The following SLC39A11 variants were observed in gnomAD, a reference collection of about 807,000 sequenced individuals.
SLC39A11 encodes the protein zinc transporter ZIP11.
A neutral mutation model predicts 36.1 loss-of-function variants in SLC39A11; 33 were observed. The ratio of observed to expected loss-of-function variants is 0.91; its 90% CI spans 0.69 to 1.22. SLC39A11 has a LOEUF of 1.22. Ranked by LOEUF, SLC39A11 falls within the 50% of genes most tolerant of loss-of-function variation. The probability of loss-of-function intolerance (pLI) is 0.00; values close to 1 mark genes in which losing one functional copy is unlikely to be tolerated. For synonymous variants in SLC39A11, 166 were observed against 170.3 expected (o/e 0.97, Z 0.20); for missense variants, 432 against 430.3 (o/e 1.00, Z -0.03).
At chr17:73,038,768 TGGAGGAGGGAGGGAGGAGGGAGGAGGGAG>T (rs2059010651) in intron 3 of SLC39A11, among the ~76,000 whole-genome samples, 1 of 33,142 alleles carries the variant, frequency 3.0e-5, no homozygotes, top group Non-Finnish European at 5.9e-5. Flanking sequence ...GGAGGAGGGA[TGGAGGAGGGAGGGAGGAGGGAGGAGGGAG>T]GGAGGGGAGG....
At chr17:72,971,364 A>G (rs2087439375) in intron 4 of SLC39A11, among the ~76,000 whole-genome samples, 1 of 151,030 alleles carries the variant, frequency 6.6e-6, no homozygotes, top group Admixed American at 6.6e-5. Context: ...TCTCTGAAAA[A>G]CCAGTTTACT....
rs559561205 is a variant in SLC39A11 at position 72,891,032 on chromosome 17, C to T, written c.431-41228G>A. 4.1e-5 allele frequency among the ~76,000 whole-genome samples: 6 copies of T among 147,956 alleles called. No individual in the cohort carries two copies. The South Asian group carries it at 1.1e-3, about 26-fold the overall frequency. ...AGTGAAGAAATGCAAATAGCTCTCA[C>T]GTACCTGTATTTTCCAAAGCTTTGT... On this transcript the variant is annotated intron_variant, in intron 5 of 9. Transcript: ENST00000255559.
intron 6 of SLC39A11, among the ~76,000 whole-genome samples, chr17:72,739,075 G>A (rs1248749729): frequency 1.3e-5 from 2 of 151,946 alleles, no homozygotes; most frequent in South Asian, 2.1e-4. Flanking sequence ...GATCTCCTGC[G>A]GGGTCCTGAT....
intron 6 of SLC39A11, among the ~76,000 whole-genome samples, chr17:72,780,518 G>T: frequency 8.7e-6 from 1 of 115,286 alleles, no homozygotes; most frequent in East Asian, 2.2e-4. Flanking sequence ...GGGCCCTGAA[G>T]ATGGGGGGCG....
At chr17:72,903,152 GCTACTT>G (rs2082480703) in intron 5 of SLC39A11, among the ~76,000 whole-genome samples, 1 of 151,666 alleles carries the variant, frequency 6.6e-6, no homozygotes, top group South Asian at 2.1e-4. Context: ...TGTAATCCCA[GCTACTT>G]GAGGAACTGA....
intron 6 of SLC39A11, among the ~76,000 whole-genome samples, chr17:72,803,348 G>A (rs1005862726): frequency 1.1e-4 from 16 of 152,318 alleles, no homozygotes; most frequent in East Asian, 3.9e-4. Flanking sequence ...AGACTCTGCC[G>A]GCTGTGTCCC....
intron 4 of SLC39A11, among the ~76,000 whole-genome samples, chr17:72,980,043 C>T (rs780689484): frequency 6.6e-5 from 10 of 152,172 alleles, no homozygotes; most frequent in South Asian, 2.1e-4. Context: ...CCACCCTGCT[C>T]TGTTAAGACC....
chr17:72,931,466 TC>T (rs1171274883), intron 5 of SLC39A11, among the ~76,000 whole-genome samples: 2 of 152,080 alleles, frequency 1.3e-5, no homozygotes, highest in Admixed American at 1.3e-4. Context: ...ATGCCCAAGC[TC>T]CCACTCCCCA....
At chr17:72,750,131 C>T (rs1204804198) in intron 6 of SLC39A11, among the ~76,000 whole-genome samples, 1 of 152,142 alleles carries the variant, frequency 6.6e-6, no homozygotes, top group Non-Finnish European at 1.5e-5. Context: ...CCATTCTGTG[C>T]CCCTTGGGAG....
chr17:72,908,730 G>A (rs1465083567), intron 5 of SLC39A11, among the ~76,000 whole-genome samples: 1 of 152,224 alleles, frequency 6.6e-6, no homozygotes, highest in Non-Finnish European at 1.5e-5. Flanking sequence ...CCCCAGCATG[G>A]TGTCATTATA....
At chr17:72,810,901 G>T (rs374587838) in intron 6 of SLC39A11, among the ~76,000 whole-genome samples, 1 of 152,028 alleles carries the variant, frequency 6.6e-6, no homozygotes, top group Non-Finnish European at 1.5e-5. Flanking sequence ...GGCTGGGCTG[G>T]TCTCAAACCA....
chr17:73,044,554 G>C lies in SLC39A11; in HGVS notation c.148-12840C>G, dbSNP rs2059209557. On this transcript the variant is annotated intron_variant, in intron 3 of 9. Coordinates refer to ENST00000255559, the MANE Select transcript of SLC39A11 (RefSeq NM_139177.4). Reference sequence around the variant, plus strand: ...GGGAGGGAGCCTGACTTAGGGACTAGGAGCTCTTTCAGGGATGTTAGAAAT... The same window carrying C: ...GGGAGGGAGCCTGACTTAGGGACTACGAGCTCTTTCAGGGATGTTAGAAAT... 3.3e-5 allele frequency among the ~76,000 whole-genome samples: 5 copies of C among 152,148 alleles called. No individual in the cohort carries two copies. In the South Asian group the frequency reaches 1.0e-3, roughly 32 times the overall value.
intron 6 of SLC39A11, among the ~76,000 whole-genome samples, chr17:72,838,660 G>A (rs569711223): frequency 3.5e-4 from 53 of 152,196 alleles, no homozygotes; most frequent in Non-Finnish European, 7.2e-4. Context: ...ACCAGTGAGC[G>A]TGGGGATGAG....
chr17:72,860,837 C>T (rs534683773), intron 5 of SLC39A11, among the ~76,000 whole-genome samples: 6 of 152,252 alleles, frequency 3.9e-5, no homozygotes, highest in East Asian at 1.9e-4. Flanking sequence ...TGCATCAGGG[C>T]GACCATTTCC....
At chr17:73,086,910 G>C (rs1482214291) in intron 2 of SLC39A11, among the ~76,000 whole-genome samples, 1 of 152,018 alleles carries the variant, frequency 6.6e-6, no homozygotes, top group African/African-American at 2.4e-5. Flanking sequence ...AAAAAAATTA[G>C]CTGAGCGTGG....
At chr17:72,720,401 G>T (rs935775767) in intron 7 of SLC39A11, among the ~76,000 whole-genome samples, 3 of 152,060 alleles carry the variant, frequency 2.0e-5, no homozygotes, top group Non-Finnish European at 2.9e-5. Flanking sequence ...CTGGACCTGG[G>T]CTCCGAGTAG....
Position 72,655,944 on chromosome 17 carries a change from G to A in SLC39A11, c.672-6676C>T, listed in dbSNP as rs192392020. On this transcript the variant is annotated intron_variant, in intron 7 of 9. Coordinates refer to ENST00000255559, the MANE Select transcript of SLC39A11 (RefSeq NM_139177.4). ...GAAGAAGAACAAGGGCAGCCTCCCG[G>A]GGGGCTGGTGGCGTGGAGGATGCCC... 2.7e-3 allele frequency among the ~76,000 whole-genome samples: 407 copies of A among 152,256 alleles called. 1 individual carries two copies. Among genetic ancestry groups the A allele is most frequent in the African/African-American group, 9.3e-3 (387 of 41,552 alleles).
At chr17:72,849,494 G>T in intron 6 of SLC39A11, 140 bp downstream of exon 6, 1 of 795,018 alleles carries the variant, frequency 1.3e-6, no homozygotes, top group Non-Finnish European at 1.8e-6. Context: ...AGCCAAGAAA[G>T]ATTTGTACTG....
intron 7 of SLC39A11, among the ~76,000 whole-genome samples, chr17:72,670,160 TAC>T (rs202032502): frequency 0.049 from 5,094 of 104,300 alleles, 118 homozygotes; most frequent in Middle Eastern, 0.08. Flanking sequence ...ACATTTTATA[TAC>T]ACACACACAC....
Sources: allele counts gnomAD v4.1 joint callset (sites outside exome capture counted in the v4.1 genomes callset), GRCh38; gene constraint gnomAD v4.1.1; transcripts MANE v1.5; gene names NCBI Gene and HGNC (gene_info 2026-07-23, HGNC 2026-07-21).